The following CHODL variants were observed in gnomAD, a reference collection of about 807,000 sequenced individuals.
CHODL encodes the protein transmembrane protein MT75.
A neutral mutation model predicts 34.5 loss-of-function variants in CHODL; 29 were observed. The ratio of observed to expected loss-of-function variants is 0.84; its 90% CI spans 0.63 to 1.15. The LOEUF (loss-of-function observed/expected upper bound fraction) is 1.15. Ranked by LOEUF, CHODL falls within the 50% of genes most tolerant of loss-of-function variation. The probability of loss-of-function intolerance (pLI) is 0.00; values close to 1 mark genes in which losing one functional copy is unlikely to be tolerated. For missense variants in CHODL, 332 were observed against 332.5 expected (o/e 1.00, Z 0.01); for synonymous variants, 125 against 116.1 (o/e 1.08, Z -0.49).
chr21:17,963,284 G>A (rs978014229), intron 1 of CHODL, among the ~76,000 whole-genome samples: 10 of 152,066 alleles, frequency 6.6e-5, no homozygotes, highest in African/African-American at 9.7e-5. Flanking sequence ...CGGTAATTAC[G>A]TAGAAAAATG....
chr21:18,229,470 G>A (rs930218815), intron 2 of CHODL, among the ~76,000 whole-genome samples: 1 of 152,224 alleles, frequency 6.6e-6, no homozygotes, highest in African/African-American at 2.4e-5. Context: ...TTTTCTCATG[G>A]TAGCAGGGAA....
intron 2 of CHODL, among the ~76,000 whole-genome samples, chr21:18,235,024 A>G (rs918615522): frequency 6.6e-6 from 1 of 152,182 alleles, no homozygotes; most frequent in Admixed American, 6.6e-5. Flanking sequence ...TTAGGAGAAT[A>G]ATAACATAAG....
chr21:18,099,068 C>G (rs2065177629), intron 2 of CHODL, among the ~76,000 whole-genome samples: 1 of 151,896 alleles, frequency 6.6e-6, no homozygotes, highest in South Asian at 2.1e-4. Context: ...AAGATGGTTA[C>G]AGCTGCTTGG....
At chr21:18,013,871 G>T (rs1183024581) in intron 1 of CHODL, among the ~76,000 whole-genome samples, 1 of 151,882 alleles carries the variant, frequency 6.6e-6, no homozygotes, top group Non-Finnish European at 1.5e-5. Context: ...CTGACCTCAG[G>T]TGATCCACCC....
intron 2 of CHODL, among the ~76,000 whole-genome samples, chr21:18,145,212 G>A (rs1377313407): frequency 6.7e-6 from 1 of 149,886 alleles, no homozygotes; most frequent in Non-Finnish European, 1.5e-5. Context: ...CGAGACTGGC[G>A]GATCATGAGG....
intron 2 of CHODL, among the ~76,000 whole-genome samples, chr21:18,183,433 A>G (rs919322721): frequency 1.3e-5 from 2 of 152,202 alleles, no homozygotes; most frequent in Non-Finnish European, 2.9e-5. Flanking sequence ...TTGTACATGA[A>G]GATGTACAAA....
At chr21:18,056,472 CCTT>C (rs2064581510) in intron 2 of CHODL, among the ~76,000 whole-genome samples, 1 of 134,382 alleles carries the variant, frequency 7.4e-6, no homozygotes, top group Admixed American at 6.9e-5. Flanking sequence ...GGCCTATTTT[CCTT>C]CTTTTTTTTT....
intron 1 of CHODL, among the ~76,000 whole-genome samples, chr21:18,004,992 G>A (rs1041445507): frequency 6.6e-6 from 1 of 152,188 alleles, no homozygotes; most frequent in African/African-American, 2.4e-5. Context: ...TATGCTGAAT[G>A]TAGCTTTATA....
chr21:17,995,923 T>G (rs1277500590), intron 1 of CHODL, among the ~76,000 whole-genome samples: 1 of 152,224 alleles, frequency 6.6e-6, no homozygotes, highest in African/African-American at 2.4e-5. Flanking sequence ...ACATCTGTAT[T>G]TGATCCATTT....
intron 1 of CHODL, among the ~76,000 whole-genome samples, chr21:17,929,437 C>A (rs1471173672): frequency 6.6e-6 from 1 of 152,144 alleles, no homozygotes; most frequent in Non-Finnish European, 1.5e-5. Flanking sequence ...GGAGATGAAT[C>A]AAAATAGTAA....
chr21:17,938,487 TTTTTTTA>T (rs1568806932), intron 1 of CHODL, among the ~76,000 whole-genome samples: 86 of 2,924 alleles, frequency 0.029, 3 homozygotes, highest in Non-Finnish European at 0.042. Flanking sequence ...TTTTTTTTTT[TTTTTTTA>T]AGGAAAGGGA....
In CHODL at chr21:17,960,700, A is replaced by G. The variant is rs116647439; in HGVS notation, c.-145+43300A>G. ...TGATCTTTTCCTTTTCTTACAGGAT[A>G]ATGGACTATTATCTGTTTCCATGAT... is the stretch of plus-strand genomic sequence containing the variant. On this transcript the variant is annotated intron_variant, in intron 1 of 6. Transcript: ENST00000400127. Among the ~76,000 whole-genome samples the G allele has an allele frequency of 4.6e-3, 695 of 152,262 alleles. 6 individuals carry two copies. The highest frequency in any genetic ancestry group is 0.016 in the African/African-American group (670 of 41,568).
intron 1 of CHODL, among the ~76,000 whole-genome samples, chr21:17,990,117 A>G (rs924806301): frequency 6.6e-6 from 1 of 152,076 alleles, no homozygotes; most frequent in Admixed American, 6.6e-5. Flanking sequence ...ATGAGATGTC[A>G]TTGTTACCTA....
At chr21:18,079,756 G>A (rs369427787) in intron 2 of CHODL, among the ~76,000 whole-genome samples, 11 of 84,094 alleles carry the variant, frequency 1.3e-4, no homozygotes, top group East Asian at 1.0e-3. Context: ...ATACCTACTC[G>A]TGTATGCTTA....
intron 2 of CHODL, among the ~76,000 whole-genome samples, chr21:18,096,822 TTCAC>T (rs911906599): frequency 2.6e-4 from 40 of 152,144 alleles, no homozygotes; most frequent in African/African-American, 9.4e-4. Flanking sequence ...TCTCTATTCG[TTCAC>T]TCCCTCCCCT....
chr21:18,057,390 G>A (rs1242062334), intron 2 of CHODL, among the ~76,000 whole-genome samples: 5 of 151,834 alleles, frequency 3.3e-5, no homozygotes, highest in Non-Finnish European at 4.4e-5. Flanking sequence ...GAGCAAAAAT[G>A]TACATACAGA....
At chr21:18,254,718 GTCTA>G (rs72351505) in intron 1 of CHODL, among the ~76,000 whole-genome samples, 18,997 of 151,974 alleles carry the variant, frequency 0.13, 1,258 homozygotes, top group Middle Eastern at 0.17. Context: ...TTTATCGTCT[GTCTA>G]TCTATCTATC....
intron 5 of CHODL, among the ~76,000 whole-genome samples, chr21:18,263,674 G>C (rs933767714): frequency 2.0e-4 from 31 of 152,148 alleles, no homozygotes; most frequent in African/African-American, 6.8e-4. Flanking sequence ...GAGCATGTTT[G>C]CTAGAATAAA....
At chr21:18,150,073 G>C (rs35325236) in intron 2 of CHODL, among the ~76,000 whole-genome samples, 1 of 152,118 alleles carries the variant, frequency 6.6e-6, no homozygotes, top group Non-Finnish European at 1.5e-5. Context: ...GTCCAGAAAG[G>C]TGGGACAACT....
Sources: allele counts gnomAD v4.1 joint callset (sites outside exome capture counted in the v4.1 genomes callset), GRCh38; gene constraint gnomAD v4.1.1; transcripts MANE v1.5; gene names NCBI Gene and HGNC (gene_info 2026-07-23, HGNC 2026-07-21).